Variants in DOK6 observed in about 807,000 individuals in gnomAD.
The protein encoded by DOK6 is downstream of tyrosine kinase 6.
DOK6 carries 22 observed loss-of-function variants against 44.0 expected under a neutral mutation model. The observed-to-expected ratio is 0.50, with a 90% CI of 0.36 to 0.71. The LOEUF is 0.71. Among genes scored for constraint, DOK6 ranks in the 30% least tolerant of loss-of-function variants. DOK6 has a pLI of 0.00. For synonymous variants in DOK6, 166 were observed against 145.5 expected, an observed-to-expected ratio of 1.14 and a Z score of -1.01; for missense variants, 340 against 416.4, an observed-to-expected ratio of 0.82 and a Z score of 1.60.
intron 1 of DOK6, among the ~76,000 whole-genome samples, chr18:69,422,752 T>G (rs988949342): frequency 1.3e-5 from 2 of 152,228 alleles, no homozygotes; most frequent in Non-Finnish European, 2.9e-5. Flanking sequence ...TACTTCCTGC[T>G]AGATTAATTT....
chr18:69,796,314 T>C (rs1980743352), intron 7 of DOK6, among the ~76,000 whole-genome samples: 1 of 152,170 alleles, frequency 6.6e-6, no homozygotes, highest in Non-Finnish European at 1.5e-5. Context: ...TGAGAAACTG[T>C]TACCAAAGGT....
chr18:69,735,873 A>C (rs1978588906), intron 5 of DOK6, among the ~76,000 whole-genome samples: 1 of 152,256 alleles, frequency 6.6e-6, no homozygotes, highest in African/African-American at 2.4e-5. Flanking sequence ...GAGAATGTGC[A>C]GGGTTTGAAT....
chr18:69,515,792 T>C (rs540857067), intron 1 of DOK6, among the ~76,000 whole-genome samples: 45 of 152,338 alleles, frequency 3.0e-4, no homozygotes, highest in African/African-American at 1.0e-3. Context: ...ACTAACTTCA[T>C]AGAATAACAA....
intron 1 of DOK6, among the ~76,000 whole-genome samples, chr18:69,509,677 A>G (rs1303802581): frequency 6.6e-6 from 1 of 151,318 alleles, no homozygotes; most frequent in Non-Finnish European, 1.5e-5. Context: ...ACAAGTCAGA[A>G]TATTTGTACT....
chr18:69,548,226 T>C (rs1982462579), intron 1 of DOK6, among the ~76,000 whole-genome samples: 1 of 151,360 alleles, frequency 6.6e-6, no homozygotes, highest in South Asian at 2.1e-4. Flanking sequence ...GTGCTGGGAT[T>C]ACAGGCGTGA....
chr18:69,529,516 T>C (rs1286818149), intron 1 of DOK6, among the ~76,000 whole-genome samples: 2 of 152,242 alleles, frequency 1.3e-5, no homozygotes, highest in Non-Finnish European at 2.9e-5. Flanking sequence ...TGGAAAGGTA[T>C]ACAAATGTTT....
intron 1 of DOK6, among the ~76,000 whole-genome samples, chr18:69,403,441 TACAA>T (rs1377417924): frequency 6.6e-6 from 1 of 152,238 alleles, no homozygotes; most frequent in African/African-American, 2.4e-5. Context: ...TATTTACACT[TACAA>T]AGCCTCTTTT....
At chr18:69,529,367 G>A (rs78950591) in intron 1 of DOK6, among the ~76,000 whole-genome samples, 4,584 of 152,094 alleles carry the variant, frequency 0.03, 84 homozygotes, top group Middle Eastern at 0.048. Flanking sequence ...ACTATTTTAT[G>A]TCTTCATCTC....
At chr18:69,669,215 G>A (rs1326609932) in intron 3 of DOK6, among the ~76,000 whole-genome samples, 3 of 152,126 alleles carry the variant, frequency 2.0e-5, no homozygotes, top group Non-Finnish European at 2.9e-5. Flanking sequence ...AATGAGCAAA[G>A]TACCCGACAG....
intron 1 of DOK6, among the ~76,000 whole-genome samples, chr18:69,506,508 C>A (rs189944418): frequency 1.4e-3 from 210 of 152,224 alleles, no homozygotes; most frequent in Non-Finnish European, 2.2e-3. Context: ...CACAACATAA[C>A]CTTTCCAGTT....
chr18:69,809,193 G>A (rs547811273), intron 7 of DOK6, among the ~76,000 whole-genome samples: 1 of 151,446 alleles, frequency 6.6e-6, no homozygotes, highest in African/African-American at 2.4e-5. Flanking sequence ...ACAGAACGAA[G>A]GACAAAAATT....
At chr18:69,681,758 A>C (rs952056578) in intron 4 of DOK6, among the ~76,000 whole-genome samples, 1 of 152,224 alleles carries the variant, frequency 6.6e-6, no homozygotes, top group Non-Finnish European at 1.5e-5. Flanking sequence ...GATTCACAAC[A>C]CATAATAGCA....
At chr18:69,447,330 T>G (rs922561182) in intron 1 of DOK6, among the ~76,000 whole-genome samples, 1 of 152,168 alleles carries the variant, frequency 6.6e-6, no homozygotes, top group African/African-American at 2.4e-5. Context: ...CCCATTTCTT[T>G]TTTTTGTCAG....
At chr18:69,539,475 T>C (rs1982210867) in intron 1 of DOK6, among the ~76,000 whole-genome samples, 1 of 151,358 alleles carries the variant, frequency 6.6e-6, no homozygotes, top group African/African-American at 2.4e-5. Flanking sequence ...AGCTTTTTTT[T>C]TTTTTTTCCA....
intron 3 of DOK6, among the ~76,000 whole-genome samples, chr18:69,675,945 T>C (rs916804138): frequency 6.6e-6 from 1 of 152,194 alleles, no homozygotes; most frequent in African/African-American, 2.4e-5. Flanking sequence ...TTGTTTTTTG[T>C]TTTTGTTATT....
At chr18:69,698,700 GT>G in intron 5 of DOK6, 107 bp downstream of exon 5, 1 of 1,058,610 alleles carries the variant, frequency 9.4e-7, no homozygotes, top group Non-Finnish European at 1.3e-6. Flanking sequence ...AGTGAGCACT[GT>G]TTTCATTCAG....
chr18:69,645,422 A>G (rs967494057), intron 3 of DOK6, among the ~76,000 whole-genome samples: 3 of 152,232 alleles, frequency 2.0e-5, no homozygotes, highest in African/African-American at 7.2e-5. Flanking sequence ...TCTATGTTCA[A>G]TATAATACAC....
intron 3 of DOK6, among the ~76,000 whole-genome samples, chr18:69,624,625 A>G (rs941553921): frequency 6.6e-6 from 1 of 152,124 alleles, no homozygotes; most frequent in South Asian, 2.1e-4. Flanking sequence ...GTATCATGAG[A>G]GTATTACTTA....
chr18:69,761,226 C>T (rs1252064378), intron 7 of DOK6, among the ~76,000 whole-genome samples: 3 of 150,734 alleles, frequency 2.0e-5, no homozygotes, highest in Non-Finnish European at 2.9e-5. Context: ...TTCCCTGGGG[C>T]CGGCTGCGAC....
Sources: allele counts gnomAD v4.1 joint callset (sites outside exome capture counted in the v4.1 genomes callset), GRCh38; gene constraint gnomAD v4.1.1; transcripts MANE v1.5; gene names NCBI Gene and HGNC (gene_info 2026-07-23, HGNC 2026-07-21).